The following U2AF2 variants were observed in gnomAD, a reference collection of about 807,000 sequenced individuals.
The protein encoded by U2AF2 is splicing factor U2AF 65 kDa subunit.
In U2AF2, 6 loss-of-function variants were observed where a neutral mutation model predicts 52.6. That is an observed-to-expected ratio of 0.11 (90% CI 0.06 to 0.23). The LOEUF (loss-of-function observed/expected upper bound fraction) is 0.23. Ranked by LOEUF, U2AF2 falls within the 10% of genes least tolerant of loss-of-function variation. The pLI is 1.00. For missense variants in U2AF2, 222 were observed against 677.1 expected, an observed-to-expected ratio of 0.33 and a Z score of 7.46; for synonymous variants, 284 against 258.2, an observed-to-expected ratio of 1.10 and a Z score of -0.96.
intron 2 of U2AF2, 69 bp from the exon 3 acceptor site, chr19:55,660,108 G>A (rs894139927): frequency 2.0e-6 from 3 of 1,489,888 alleles, no homozygotes; most frequent in African/African-American, 1.4e-5. Context: ...CCCTTGGGGG[G>A]GTGTGGCATG....
In U2AF2 at chr19:55,660,230, C is replaced by G; in HGVS notation, c.230+9C>G. ...GAGCACGGTGGACTGATGTGAGCTT[C>G]TCTTCCTGCCCCTTCCTCCCTGATG... On this transcript the variant is annotated intron_variant, in intron 3 of 11. Coordinates refer to ENST00000308924, the MANE Select transcript of U2AF2 (RefSeq NM_007279.3). The G allele has an allele frequency of 6.3e-7, 1 of 1,593,332 alleles. No individual in the cohort carries two copies. Among genetic ancestry groups the G allele is most frequent in the Non-Finnish European group, 8.6e-7 (1 of 1,168,008 alleles).
chr19:55,663,300 C>G (rs952156365), intron 6 of U2AF2, among the ~76,000 whole-genome samples: 1 of 152,188 alleles, frequency 6.6e-6, no homozygotes, highest in Non-Finnish European at 1.5e-5. Flanking sequence ...GTCATCTCCC[C>G]GTTCAACTAA....
intron 11 of U2AF2, among the ~76,000 whole-genome samples, chr19:55,670,254 G>GT (rs1201235051): frequency 6.6e-6 from 1 of 152,084 alleles, no homozygotes; most frequent in Non-Finnish European, 1.5e-5. Context: ...GCTAAGTCCT[G>GT]TCACCTCCAG....
intron 7 of U2AF2, among the ~76,000 whole-genome samples, chr19:55,664,732 T>A (rs934869572): frequency 7.2e-5 from 11 of 152,066 alleles, no homozygotes; most frequent in Admixed American, 2.0e-4. Context: ...TTGTTGTTGT[T>A]GTTTTGAGAC....
chr19:55,672,403 A>G (rs1984977842), intron 11 of U2AF2, among the ~76,000 whole-genome samples: 1 of 151,928 alleles, frequency 6.6e-6, no homozygotes. Flanking sequence ...ATCCTTAAGT[A>G]TATTTCTATT....
At chr19:55,663,462 G>T (rs1290806661) in intron 6 of U2AF2, 144 bp from the exon 7 acceptor site, 8 of 1,270,838 alleles carry the variant, frequency 6.3e-6, no homozygotes, top group Non-Finnish European at 8.6e-6. Flanking sequence ...CGTGTCTGTT[G>T]TACTCCCAGT....
intron 7 of U2AF2, among the ~76,000 whole-genome samples, chr19:55,666,799 G>A (rs569064902): frequency 5.8e-4 from 88 of 152,342 alleles, no homozygotes; most frequent in African/African-American, 1.9e-3. Flanking sequence ...CAGGGCTCGC[G>A]GCTGAGCTTC....
At position 55,669,578 on chromosome 19, in the gene U2AF2, G is replaced by C. The variant is rs762579830; in HGVS notation, c.1179G>C (p.Glu393Asp). The C allele has an allele frequency of 1.5e-4, 242 of 1,613,780 alleles. 1 individual carries two copies. Among genetic ancestry groups the C allele is most frequent in the South Asian group, 2.1e-4 (19 of 91,078 alleles). The change falls in exon 11 of 12, where the codon GAG becomes GAC. Residue 393 changes from glutamate to aspartate, a missense_variant. By Grantham distance (45) the Glu-to-Asp change is conservative (BLOSUM62 2). Around this residue, in one of 4 missense-constraint regions of U2AF2, gnomAD observed 71 missense variants for 180.6 expected, o/e 0.39. Transcript: ENST00000308924. ...MVLPEELLDD[E>D]EYEEIVEDVR... ...TGCCTGAGGAGCTGCTGGACGACGAGGAGTATGAGGAGATCGTGGAGGACG... is the reference window on the plus strand; with the variant it reads ...TGCCTGAGGAGCTGCTGGACGACGACGAGTATGAGGAGATCGTGGAGGACG...
intron 1 of U2AF2, among the ~76,000 whole-genome samples, chr19:55,658,521 G>A (rs981755162): frequency 1.5e-4 from 23 of 152,272 alleles, no homozygotes; most frequent in African/African-American, 5.3e-4. Flanking sequence ...GGCTTTGAAG[G>A]GAGTGAGGCT....
chr19:55,673,797 A>T, intron 11 of U2AF2, 137 bp from the exon 12 acceptor site: 1 of 1,230,928 alleles, frequency 8.1e-7, no homozygotes, highest in Non-Finnish European at 1.1e-6. Context: ...CCTGCTTACT[A>T]AGGGTCCCTT....
chr19:55,664,006 GC>G (rs749574624), intron 7 of U2AF2: 3 of 429,678 alleles, frequency 7.0e-6, no homozygotes, highest in Non-Finnish European at 1.2e-5. Context: ...GACCAAAGGT[GC>G]TGGGGAAGCG....
rs1322988520 is a variant in U2AF2, at chr19:55,668,862, C to T, written c.945+70C>T. ...CCCTGCGCTGTTGCCAAGCCATGGT[C>T]TCCCCTCCTCAGGGGACGGGGCGGG... On this transcript the variant is annotated intron_variant, in intron 9 of 11. Transcript: ENST00000308924. This position sits in a 1 kb window ranked among gnomAD's most constrained non-coding sequence, Gnocchi z 5.5. 8 of 1,565,376 alleles carry T rather than the reference C, an allele frequency of 5.1e-6. No homozygotes were observed. The highest frequency in any genetic ancestry group is 3.5e-5 in the South Asian group (3 of 86,086).
chr19:55,673,860 C>A (rs1387890234), intron 11 of U2AF2, 74 bp from the exon 12 acceptor site: 3 of 1,544,376 alleles, frequency 1.9e-6, no homozygotes, highest in African/African-American at 1.4e-5. Context: ...GCCTTCAGTG[C>A]TGGGGTTGGG....
rs1985151395 is a variant in U2AF2 at position 55,674,324 on chromosome 19, A to AGGGGTTGGGATGGGGACAG, written c.*259_*277dup. On this transcript the variant is annotated 3_prime_UTR_variant, in exon 12 of 12. Transcript: ENST00000308924. Reference sequence around the variant, plus strand: ...ACGCACCCACACAGACACAGAGGGAAGGGGTTGGGATGGGGACAGGGTGCA... The same window carrying AGGGGTTGGGATGGGGACAG: ...ACGCACCCACACAGACACAGAGGGAAGGGGTTGGGATGGGGACAGGGGGTTGGGATGGGGACAGGGTGCA... 2.3e-6 allele frequency: 1 copy of AGGGGTTGGGATGGGGACAG among 439,386 alleles called. No homozygotes were observed. Among genetic ancestry groups the AGGGGTTGGGATGGGGACAG allele is most frequent in the Non-Finnish European group, 4.2e-6 (1 of 240,958 alleles). The allele number at this position is 439,386 out of a possible 1,614,324, so 27.2% of individuals were successfully genotyped here.
chr19:55,667,798 T>TC (rs527319784), intron 7 of U2AF2, among the ~76,000 whole-genome samples: 17 of 151,576 alleles, frequency 1.1e-4, no homozygotes, highest in African/African-American at 4.1e-4. Flanking sequence ...TTTTTTTTTT[T>TC]CCTTTGAGAT....
intron 11 of U2AF2, chr19:55,670,854 C>T (rs1984872566): frequency 6.3e-6 from 1 of 157,714 alleles, no homozygotes. Flanking sequence ...GCAGGTACTT[C>T]CCCTGGCCCT....
chr19:55,673,707 CT>C (rs1239790679), intron 11 of U2AF2, among the ~76,000 whole-genome samples: 1 of 152,226 alleles, frequency 6.6e-6, no homozygotes, highest in East Asian at 1.9e-4. Flanking sequence ...TGTCTCTATT[CT>C]TTCTCCCTCT....
In U2AF2 at chr19:55,660,510, C is replaced by T. The variant is rs1436851112; in HGVS notation, c.231-6C>T. 3.4e-6 allele frequency: 5 copies of T among 1,464,260 alleles called. No homozygotes were observed. Among genetic ancestry groups the T allele is most frequent in the African/African-American group, 2.8e-5 (2 of 71,006 alleles). The allele number at this position is 1,464,260 out of a possible 1,614,324, so 90.7% of individuals were successfully genotyped here. ...CTGCCCCGCTCTCCCCTCCCACCTCCCCCAGTCGTTCCCCCCGCCACGAGA... is the reference window on the plus strand; with the variant it reads ...CTGCCCCGCTCTCCCCTCCCACCTCTCCCAGTCGTTCCCCCCGCCACGAGA... On this transcript the variant is annotated splice_polypyrimidine_tract_variant and splice_region_variant and intron_variant, in intron 3 of 11. Coordinates refer to ENST00000308924, the MANE Select transcript of U2AF2 (RefSeq NM_007279.3).
At chr19:55,669,057 C>G (rs1295572271) in intron 9 of U2AF2, 26 bp from the exon 10 acceptor site, 2 of 1,608,644 alleles carry the variant, frequency 1.2e-6, no homozygotes, top group East Asian at 4.5e-5. Flanking sequence ...CCCCGCACCC[C>G]CCGACCCCTC....
Sources: allele counts gnomAD v4.1 joint callset (sites outside exome capture counted in the v4.1 genomes callset), GRCh38; gene constraint gnomAD v4.1.1; regional missense constraint gnomAD v4.1.1; non-coding constraint Gnocchi (gnomAD v3.1); transcripts MANE v1.5; gene names NCBI Gene and HGNC (gene_info 2026-07-23, HGNC 2026-07-21).